Variants in ABHD14B observed in about 807,000 individuals in gnomAD.
ABHD14B encodes the protein putative protein-lysine deacylase ABHD14B.
In ABHD14B, 19 loss-of-function variants were observed where a neutral mutation model predicts 15.4. The ratio of observed to expected loss-of-function variants is 1.23; its 90% confidence interval spans 0.86 to 1.81. The LOEUF (loss-of-function observed/expected upper bound fraction) is 1.81. ABHD14B is among the 40% of genes most tolerant of loss of function. ABHD14B has a pLI of 0.00. For missense variants in ABHD14B, 243 were observed against 267.0 expected (o/e 0.91, Z 0.63); for synonymous variants, 92 against 117.3 (o/e 0.78, Z 1.39).
At chr3:51,971,904 G>T in intron 1 of ABHD14B, 1 of 1,041,674 alleles carries the variant, frequency 9.6e-7, no homozygotes, top group Non-Finnish European at 1.3e-6. Flanking sequence ...TGAAATATGG[G>T]AACAATAAAG....
At chr3:51,969,792 A>C (rs1378094600) in intron 3 of ABHD14B, 151 bp downstream of exon 3, 1 of 1,466,488 alleles carries the variant, frequency 6.8e-7, no homozygotes, top group East Asian at 2.3e-5. Flanking sequence ...TTGGCACAGT[A>C]GTCTGCTGAG....
chr3:51,971,114 T>C (rs1325495142), intron 2 of ABHD14B, among the ~76,000 whole-genome samples: 1 of 152,254 alleles, frequency 6.6e-6, no homozygotes, highest in Admixed American at 6.5e-5. Flanking sequence ...AGCCACATAC[T>C]CACATGGATT....
intron 1 of ABHD14B, among the ~76,000 whole-genome samples, chr3:51,972,806 C>T (rs1408957778): frequency 6.6e-6 from 1 of 152,190 alleles, no homozygotes; most frequent in African/African-American, 2.4e-5. Flanking sequence ...CGGTAAGTTA[C>T]AGGTCATGAG....
chr3:51,974,344 AG>A (rs1352778696), upstream of ABHD14B: 5 of 297,082 alleles, frequency 1.7e-5, no homozygotes, highest in Non-Finnish European at 3.3e-5. Flanking sequence ...TGAACTGCCC[AG>A]GGCAACTTGT....
intron 1 of ABHD14B, among the ~76,000 whole-genome samples, chr3:51,972,236 C>CAAA (rs1167050121): frequency 2.4e-5 from 1 of 40,860 alleles, no homozygotes; most frequent in African/African-American, 9.8e-5. Flanking sequence ...GACTCGGTCA[C>CAAA]AAAAAAAAAA....
At chr3:51,970,301 G>C in intron 2 of ABHD14B, 117 bp from the exon 3 acceptor site, 3 of 1,358,780 alleles carry the variant, frequency 2.2e-6, no homozygotes, top group Non-Finnish European at 2.0e-6. Context: ...CCAGGTTCCT[G>C]TAACACCCAG....
In ABHD14B at chr3:51,969,620, A is replaced by T. The variant is rs761082633; in HGVS notation, c.454-15T>A. The T allele has an allele frequency of 6.2e-7, 1 of 1,605,014 alleles. No individual in the cohort carries two copies. The highest frequency in any genetic ancestry group is 1.1e-5 in the South Asian group (1 of 90,170). Reference sequence around the variant, plus strand: ...AGAGCTGGAGTCTGAGAGGAAGGATAGGGGGGTGGGGCAGAGTCAACAGGG... The same window carrying T: ...AGAGCTGGAGTCTGAGAGGAAGGATTGGGGGGTGGGGCAGAGTCAACAGGG... On this transcript the variant is annotated splice_polypyrimidine_tract_variant and intron_variant, in intron 3 of 3. Coordinates refer to ENST00000361143, the MANE Select transcript of ABHD14B (RefSeq NM_001146314.2).
At chr3:51,972,236 C>CA (rs1167050121) in intron 1 of ABHD14B, among the ~76,000 whole-genome samples, 509 of 40,772 alleles carry the variant, frequency 0.012, no homozygotes, top group African/African-American at 0.029. Context: ...GACTCGGTCA[C>CA]AAAAAAAAAA....
chr3:51,971,832 G>A, intron 1 of ABHD14B, 134 bp from the exon 2 acceptor site: 1 of 1,399,286 alleles, frequency 7.1e-7, no homozygotes, highest in Non-Finnish European at 9.3e-7. Context: ...GGAGGACATA[G>A]GTGTTATTTC....
intron 1 of ABHD14B, 186 bp downstream of exon 1, chr3:51,973,779 G>C: frequency 8.0e-7 from 1 of 1,245,550 alleles, no homozygotes; most frequent in Non-Finnish European, 1.1e-6. Context: ...CCAACGCGTT[G>C]ACCTCGCGGT....
upstream of ABHD14B, chr3:51,974,133 C>A: frequency 1.0e-6 from 1 of 1,001,448 alleles, no homozygotes; most frequent in Non-Finnish European, 1.3e-6. Context: ...CGTCCATAGA[C>A]TCCGCTAAAC....
intron 1 of ABHD14B, among the ~76,000 whole-genome samples, chr3:51,973,313 G>T (rs542863505): frequency 8.6e-4 from 130 of 151,634 alleles, no homozygotes; most frequent in Middle Eastern, 3.4e-3. Context: ...GCCTCCCAAA[G>T]TGCTGGGATT....
At chr3:51,969,823 G>C (rs760314488) in intron 3 of ABHD14B, 120 bp downstream of exon 3, 7 of 1,562,412 alleles carry the variant, frequency 4.5e-6, no homozygotes, top group African/African-American at 1.4e-5. Context: ...GGGTGGAGTT[G>C]GGTGGTCAGC....
At chr3:51,973,219 T>G (rs909010837) in intron 1 of ABHD14B, among the ~76,000 whole-genome samples, 5 of 130,226 alleles carry the variant, frequency 3.8e-5, no homozygotes, top group African/African-American at 1.4e-4. Context: ...TAATTTTTTG[T>G]TTTTTTTTTT....
rs929809160 is a variant in ABHD14B, at chr3:51,969,361, G to C, written c.*65C>G. 1 of 1,515,000 alleles carries C rather than the reference G, an allele frequency of 6.6e-7. No homozygotes were observed. Among genetic ancestry groups the C allele is most frequent in the African/African-American group, 1.4e-5 (1 of 72,222 alleles). The allele number at this position is 1,515,000 out of a possible 1,614,324, so 93.8% of individuals were successfully genotyped here. ...GCATGAGCCAGAGCCTGGGAGAGAA[G>C]AGAGAGCGTGCAAGAGAGAGCTCAG... is the stretch of plus-strand genomic sequence containing the variant. On this transcript the variant is annotated 3_prime_UTR_variant, in exon 4 of 4. Coordinates refer to ENST00000361143, the MANE Select transcript of ABHD14B (RefSeq NM_001146314.2).
In ABHD14B at chr3:51,973,831, G is replaced by C. The variant is rs564378441; in HGVS notation, c.-29+134C>G. ...ACTACGGTTCTGGCTCGCTAGCTCTGGAAGGGAGCACCGGGAGGGAATGGT... is the reference window on the plus strand; with the variant it reads ...ACTACGGTTCTGGCTCGCTAGCTCTCGAAGGGAGCACCGGGAGGGAATGGT... On this transcript the variant is annotated intron_variant, in intron 1 of 3. Coordinates refer to ENST00000361143, the MANE Select transcript of ABHD14B (RefSeq NM_001146314.2). 1.4e-5 allele frequency: 18 copies of C among 1,289,526 alleles called. No individual in the cohort carries two copies. In the African/African-American group the frequency reaches 2.4e-4, roughly 17 times the overall value. The allele number at this position is 1,289,526 out of a possible 1,614,324, so 79.9% of individuals were successfully genotyped here.
chr3:51,969,914 G>T, intron 3 of ABHD14B, 29 bp downstream of exon 3: 1 of 1,614,188 alleles, frequency 6.2e-7, no homozygotes, highest in African/African-American at 1.3e-5. Flanking sequence ...CTCCTGGCAG[G>T]GGCACCTCAG....
upstream of ABHD14B, chr3:51,974,250 A>G (rs974777891): frequency 2.8e-6 from 1 of 359,774 alleles, no homozygotes; most frequent in East Asian, 7.5e-5. Flanking sequence ...CCACATGGAC[A>G]TGGAGCAGTC....
At position 51,969,235 on chromosome 3, in the gene ABHD14B, T is replaced by C. The variant is rs1700598232; in HGVS notation, c.*191A>G. 1.8e-6 allele frequency: 1 copy of C among 562,842 alleles called. No homozygotes were observed. Among genetic ancestry groups the C allele is most frequent in the African/African-American group, 1.9e-5 (1 of 52,568 alleles). The allele number at this position is 562,842 out of a possible 1,614,324, so 34.9% of individuals were successfully genotyped here. ...TCCTGAGAGTTTTTTCTCTTGATTTTACCCCCTCAGTCTATCACTGCAAGA... is the reference window on the plus strand; with the variant it reads ...TCCTGAGAGTTTTTTCTCTTGATTTCACCCCCTCAGTCTATCACTGCAAGA... On this transcript the variant is annotated 3_prime_UTR_variant, in exon 4 of 4. Coordinates refer to ENST00000361143, the MANE Select transcript of ABHD14B (RefSeq NM_001146314.2).
Sources: allele counts gnomAD v4.1 joint callset (sites outside exome capture counted in the v4.1 genomes callset), GRCh38; gene constraint gnomAD v4.1.1; transcripts MANE v1.5; gene names NCBI Gene and HGNC (gene_info 2026-07-23, HGNC 2026-07-21).